CYP20A1: variants seen among roughly 807,000 people sequenced by gnomAD.
CYP20A1 encodes cytochrome P450 family 20 subfamily A member 1.
CYP20A1 carries 61 observed loss-of-function variants against 61.4 expected under a neutral mutation model. The ratio of observed to expected loss-of-function variants is 0.99; its 90% CI spans 0.81 to 1.23. The LOEUF is 1.23. Among genes scored for constraint, CYP20A1 ranks in the 50% most tolerant of loss-of-function variants. The pLI is 0.00. For missense variants in CYP20A1, 530 were observed against 542.4 expected (o/e 0.98, Z 0.23); for synonymous variants, 193 against 188.2 (o/e 1.03, Z -0.21).
chr2:203,251,815 A>ATGTGTACATATATATATATATATGTG (rs1553514006), intron 3 of CYP20A1, 152 bp from the exon 4 acceptor site: 1 of 89,476 alleles, frequency 1.1e-5, no homozygotes, highest in African/African-American at 3.2e-5. Context: ...ATATATATAT[A>ATGTGTACATATATATATATATATGTG]TAAAAAATAA....
chr2:203,295,918 C>T (rs939514684), intron 11 of CYP20A1, among the ~76,000 whole-genome samples: 6 of 151,890 alleles, frequency 4.0e-5, no homozygotes, highest in African/African-American at 1.5e-4. Flanking sequence ...TACTGCACTC[C>T]AGCCTGGTGA....
At chr2:203,251,793 G>GTACATATATATATATATATATATATA (rs1553513991) in intron 3 of CYP20A1, among the ~76,000 whole-genome samples, 174 bp from the exon 4 acceptor site, 1 of 64,178 alleles carries the variant, frequency 1.6e-5, no homozygotes, top group Admixed American at 2.0e-4. Flanking sequence ...ATATATATGT[G>GTACATATATATATATATATATATATA]TATATATATA....
chr2:203,287,516 G>A (rs2068331788), intron 9 of CYP20A1, among the ~76,000 whole-genome samples: 2 of 152,012 alleles, frequency 1.3e-5, no homozygotes, highest in South Asian at 2.1e-4. Flanking sequence ...GACCATTCAC[G>A]GCAACATAGT....
intron 1 of CYP20A1, among the ~76,000 whole-genome samples, chr2:203,244,144 C>T (rs2066364726): frequency 6.6e-6 from 1 of 152,100 alleles, no homozygotes; most frequent in African/African-American, 2.4e-5. Flanking sequence ...CTCTTCACTC[C>T]TGTACTAGAT....
intron 11 of CYP20A1, among the ~76,000 whole-genome samples, chr2:203,294,137 A>G (rs1402339498): frequency 6.6e-6 from 1 of 152,006 alleles, no homozygotes; most frequent in Non-Finnish European, 1.5e-5. Context: ...GGTATACGCT[A>G]CCATGCCTGG....
At chr2:203,281,415 G>A (rs1425942240) in intron 8 of CYP20A1, among the ~76,000 whole-genome samples, 1 of 152,030 alleles carries the variant, frequency 6.6e-6, no homozygotes, top group Non-Finnish European at 1.5e-5. Context: ...AGGCTAAGGT[G>A]GGAGGATCAC....
At position 203,305,172 on chromosome 2, in the gene CYP20A1, T is replaced by A. The variant is rs544228640; in HGVS notation, c.*8264T>A. Among the ~76,000 whole-genome samples the A allele has an allele frequency of 6.6e-6, 1 of 151,374 alleles. No individual in the cohort carries two copies. Among genetic ancestry groups the A allele is most frequent in the African/African-American group, 2.4e-5 (1 of 41,322 alleles). On this transcript the variant is annotated 3_prime_UTR_variant, in exon 13 of 13. Transcript: ENST00000356079. The stretch of plus-strand genomic sequence containing the variant: ...CTTCCAGTTCTACTCCCAATTTAAT[T>A]GGTTTACAGTTCGGTGGCTGTCTTT...
At chr2:203,272,232 A>C (rs977250091) in intron 5 of CYP20A1, among the ~76,000 whole-genome samples, 3 of 152,058 alleles carry the variant, frequency 2.0e-5, no homozygotes, top group Non-Finnish European at 4.4e-5. Flanking sequence ...GGAGAGCTTA[A>C]TTATTAGATT....
chr2:203,276,474 G>C (rs1024204071), intron 6 of CYP20A1, among the ~76,000 whole-genome samples: 2 of 152,000 alleles, frequency 1.3e-5, no homozygotes, highest in East Asian at 3.9e-4. Flanking sequence ...GAGAGATAAT[G>C]TGGCTTGGAC....
intron 6 of CYP20A1, among the ~76,000 whole-genome samples, chr2:203,276,865 A>G (rs567918417): frequency 2.6e-5 from 4 of 152,334 alleles, no homozygotes; most frequent in African/African-American, 7.2e-5. Context: ...CCTTGAGATT[A>G]GAGATCACCA....
At chr2:203,255,277 A>G (rs562828715) in intron 4 of CYP20A1, among the ~76,000 whole-genome samples, 2 of 152,364 alleles carry the variant, frequency 1.3e-5, no homozygotes, top group East Asian at 1.9e-4. Flanking sequence ...AAGCAAACCA[A>G]TATAGTTACA....
chr2:203,268,191 A>C (rs2152077186), intron 5 of CYP20A1, among the ~76,000 whole-genome samples: 1 of 152,246 alleles, frequency 6.6e-6, no homozygotes, highest in East Asian at 1.9e-4. Flanking sequence ...TTTCCTCTAA[A>C]TATTGCAGTT....
At chr2:203,295,683 C>G (rs2068760210) in intron 11 of CYP20A1, among the ~76,000 whole-genome samples, 1 of 152,184 alleles carries the variant, frequency 6.6e-6, no homozygotes, top group South Asian at 2.1e-4. Context: ...TGCCGTGGCT[C>G]ATACCTATAA....
chr2:203,270,476 C>T (rs751934322), intron 5 of CYP20A1, among the ~76,000 whole-genome samples: 1 of 151,936 alleles, frequency 6.6e-6, no homozygotes, highest in Non-Finnish European at 1.5e-5. Flanking sequence ...GCTGTTTTGC[C>T]TATATTTCTA....
chr2:203,239,767 C>T (rs2105882593), intron 1 of CYP20A1, among the ~76,000 whole-genome samples: 1 of 152,344 alleles, frequency 6.6e-6, no homozygotes, highest in South Asian at 2.1e-4. Flanking sequence ...CTCCTCTCTC[C>T]ACTTGCCTCC....
intron 11 of CYP20A1, among the ~76,000 whole-genome samples, chr2:203,295,583 T>C (rs1278271680): frequency 6.6e-6 from 1 of 152,182 alleles, no homozygotes. Flanking sequence ...TTTCACAAAA[T>C]AATATAAACT....
At chr2:203,243,901 G>A (rs1203430109) in intron 1 of CYP20A1, among the ~76,000 whole-genome samples, 2 of 151,964 alleles carry the variant, frequency 1.3e-5, no homozygotes, top group African/African-American at 2.4e-5. Flanking sequence ...TGTTGCACAA[G>A]CTGGTCTCAA....
chr2:203,283,381 T>C (rs2068124919), intron 8 of CYP20A1, among the ~76,000 whole-genome samples: 1 of 150,178 alleles, frequency 6.7e-6, no homozygotes, highest in Non-Finnish European at 1.5e-5. Flanking sequence ...CACACCTGGC[T>C]AATTTTTTGT....
chr2:203,298,144 T>C lies in CYP20A1; in HGVS notation c.*1236T>C, dbSNP rs2068885077. 6.4e-6 allele frequency: 1 copy of C among 155,348 alleles called. No homozygotes were observed. Among genetic ancestry groups the C allele is most frequent in the Non-Finnish European group, 1.4e-5 (1 of 70,022 alleles). 9.6% of individuals were successfully genotyped at this position (155,348 alleles called of 1,614,324 possible). The stretch of plus-strand genomic sequence containing the variant: ...GGCTCATGCGTATAATCCTAGAACT[T>C]TGGAAGGCCAAAGCTGGTGGATTGC... On this transcript the variant is annotated 3_prime_UTR_variant, in exon 13 of 13. Transcript: ENST00000356079.
Sources: gnomAD v4.1 joint callset for allele counts (sites outside exome capture counted in the v4.1 genomes callset) on GRCh38, gnomAD v4.1.1 for gene constraint, MANE v1.5 for transcripts, NCBI Gene and HGNC (gene_info 2026-07-23, HGNC 2026-07-21) for gene names.